Variants in ABHD2 observed in about 807,000 individuals in gnomAD.
The protein encoded by ABHD2 is monoacylglycerol lipase ABHD2.
Under a neutral mutation model 48.1 loss-of-function variants are expected in ABHD2, and 20 were observed. The observed-to-expected ratio is 0.42, with a 90% CI of 0.29 to 0.60. ABHD2 has a LOEUF of 0.60. Among genes scored for constraint, ABHD2 ranks in the 20% least tolerant of loss-of-function variants. The pLI, the probability that ABHD2 is intolerant of heterozygous loss-of-function variation, is 0.24. For missense variants in ABHD2, 405 were observed against 550.9 expected (o/e 0.74, Z 2.65); for synonymous variants, 209 against 214.2 (o/e 0.98, Z 0.21).
chr15:89,045,292 G>C, the ABHD2 span, among the ~76,000 whole-genome samples: 9 of 152,004 alleles, frequency 5.9e-5, no homozygotes, highest in African/African-American at 1.9e-4. Context: ...GTACCATGCT[G>C]TTTTGGTTAC....
At chr15:89,084,618 TAA>T (rs1901326073), upstream of ABHD2, among the ~76,000 whole-genome samples, 1 of 152,164 alleles carries the variant, frequency 6.6e-6, no homozygotes, top group African/African-American at 2.4e-5. This position sits in a 1 kb window ranked among gnomAD's most constrained non-coding sequence, Gnocchi z 4.4. Flanking sequence ...CTTTAAAAAA[TAA>T]AGTCTATCTA....
At chr15:89,117,628 A>T (rs191529485) in intron 3 of ABHD2, among the ~76,000 whole-genome samples, 7 of 152,226 alleles carry the variant, frequency 4.6e-5, no homozygotes, top group African/African-American at 1.7e-4. Flanking sequence ...ACTCAGAGAG[A>T]TGTCTTCCTC....
rs141665941 is a variant in ABHD2 at position 89,155,836 on chromosome 15, G to A, written c.538+302G>A. On this transcript the variant is annotated intron_variant, in intron 5 of 10. Transcript: ENST00000352732. This position sits in a 1 kb window ranked among gnomAD's most constrained non-coding sequence, Gnocchi z 4.9. Reference sequence around the variant, plus strand: ...AGCAGGGCTGGGAGCCAGGTAGATCGGGTAGCAGAGCTCATGACCTTCAGG... The same window carrying A: ...AGCAGGGCTGGGAGCCAGGTAGATCAGGTAGCAGAGCTCATGACCTTCAGG... 6.6e-6 allele frequency among the ~76,000 whole-genome samples: 1 copy of A among 152,228 alleles called. No individual in the cohort carries two copies. Among genetic ancestry groups the A allele is most frequent in the African/African-American group, 2.4e-5 (1 of 41,552 alleles).
chr15:89,165,440 A>G (rs992405656), intron 5 of ABHD2, among the ~76,000 whole-genome samples: 4 of 152,198 alleles, frequency 2.6e-5, no homozygotes, highest in African/African-American at 9.6e-5. Context: ...ACAAGAGTAA[A>G]GTTTACCAAA....
At chr15:89,049,912 C>A in the ABHD2 span, among the ~76,000 whole-genome samples, 2,714 of 152,124 alleles carry the variant, frequency 0.018, 74 homozygotes, top group African/African-American at 0.06. Flanking sequence ...CTTGGCTCCT[C>A]CCCCGTATTT....
rs149586205 is a variant in ABHD2 at position 89,195,306 on chromosome 15, C to T, written c.1161C>T (p.Pro387=). The change falls in exon 11 of 11, where the codon CCC becomes CCT. Residue 387 remains proline, a synonymous_variant. Coordinates refer to ENST00000352732, the MANE Select transcript of ABHD2 (RefSeq NM_152924.5). The surrounding 1 kb of genome is among the most constrained non-coding windows in gnomAD (Gnocchi z 5.1). ...TCTTTGAGGGCTCTGTGCTGTTCCCCGAGCCCCTGACATGGATGGATAAGC... is the reference window on the plus strand; with the variant it reads ...TCTTTGAGGGCTCTGTGCTGTTCCCTGAGCCCCTGACATGGATGGATAAGC... The part of the protein sequence containing the change: ...LGFFEGSVLF[P]EPLTWMDKLV... 319 of 1,614,234 alleles carry T rather than the reference C, an allele frequency of 2.0e-4. 1 individual carries two copies. Among genetic ancestry groups the T allele is most frequent in the Non-Finnish European group, 2.5e-4 (295 of 1,180,034 alleles).
At chr15:89,159,906 GT>G (rs1289696095) in intron 5 of ABHD2, among the ~76,000 whole-genome samples, 2 of 152,020 alleles carry the variant, frequency 1.3e-5, no homozygotes, top group Admixed American at 6.5e-5. Flanking sequence ...CATACTATTT[GT>G]TTTTTTGTGT....
intron 9 of ABHD2, 21 bp from the exon 10 acceptor site, chr15:89,193,214 T>C: frequency 6.2e-7 from 1 of 1,612,520 alleles, no homozygotes; most frequent in East Asian, 2.2e-5. Flanking sequence ...AGTTTAATTC[T>C]GCTTTATGTT....
intron 3 of ABHD2, among the ~76,000 whole-genome samples, chr15:89,149,223 ACACAC>A (rs2050550127): frequency 6.6e-6 from 1 of 151,722 alleles, no homozygotes; most frequent in South Asian, 2.1e-4. Flanking sequence ...TAACACACAC[ACACAC>A]ACACACACAC....
rs1320765267 is a variant in ABHD2, at chr15:89,177,213, C to T, written c.722+1218C>T. ...TGATGATGATAAGCAGTACCTACCT[C>T]ATAGCACCGCTGAGAGTCAAATGAG... is the stretch of plus-strand genomic sequence containing the variant. On this transcript the variant is annotated intron_variant, in intron 6 of 10. Transcript: ENST00000352732. The surrounding 1 kb of genome is among the most constrained non-coding windows in gnomAD (Gnocchi z 5.6). Among the ~76,000 whole-genome samples, 1 of 152,232 alleles carries T rather than the reference C, an allele frequency of 6.6e-6. No individual in the cohort carries two copies. The highest frequency in any genetic ancestry group is 1.5e-5 in the Non-Finnish European group (1 of 68,038).
chr15:89,116,469 G>C lies in ABHD2; in HGVS notation c.142G>C (p.Asp48His). Residue 48 changes from aspartate to histidine, a missense_variant, in exon 3 of 11, where the codon GAC becomes CAC. By Grantham distance (81) the Asp-to-His change is moderately conservative. Transcript: ENST00000352732. The surrounding 1 kb of genome is among the most constrained non-coding windows in gnomAD (Gnocchi z 4.6). ...PTAPPDLYFQ[D>H]SGLSRFLLKS... Reference sequence around the variant, plus strand: ...AGCCCCACCTGACCTCTACTTCCAGGACTCGGGGCTCTCACGCTTTCTGCT... The same window carrying C: ...AGCCCCACCTGACCTCTACTTCCAGCACTCGGGGCTCTCACGCTTTCTGCT... The C allele has an allele frequency of 6.2e-7, 1 of 1,614,198 alleles. No individual in the cohort carries two copies. The highest frequency in any genetic ancestry group is 1.1e-5 in the South Asian group (1 of 91,086).
chr15:89,146,858 C>T lies in ABHD2; in HGVS notation c.195-4819C>T, dbSNP rs919821315. Among the ~76,000 whole-genome samples the T allele has an allele frequency of 6.6e-6, 1 of 152,088 alleles. No individual in the cohort carries two copies. The highest frequency in any genetic ancestry group is 2.4e-5 in the African/African-American group (1 of 41,414). Reference sequence around the variant, plus strand: ...GTATTGTAAAGGTGTCAATTATCTCCTAGGTAATATATATTTGTCGTGTTT... The same window carrying T: ...GTATTGTAAAGGTGTCAATTATCTCTTAGGTAATATATATTTGTCGTGTTT... On this transcript the variant is annotated intron_variant, in intron 3 of 10. Coordinates refer to ENST00000352732, the MANE Select transcript of ABHD2 (RefSeq NM_152924.5). The surrounding 1 kb of genome is among the most constrained non-coding windows in gnomAD (Gnocchi z 4.2).
chr15:89,078,534 A>G, the ABHD2 span, among the ~76,000 whole-genome samples: 45 of 152,274 alleles, frequency 3.0e-4, 2 homozygotes, highest in South Asian at 9.1e-3. Context: ...GTTATTGTCC[A>G]TGTTTTTCTC....
In ABHD2 at chr15:89,201,724, C is replaced by T; in HGVS notation, c.*6301C>T. 6.2e-7 allele frequency: 1 copy of T among 1,602,988 alleles called. No individual in the cohort carries two copies. On this transcript the variant is annotated 3_prime_UTR_variant, in exon 11 of 11. Transcript: ENST00000352732. ...GTAGTGACTACATCTGTGAAGGGGCCTTTGAATTTGAGGTCTATGGGCGGG... is the reference window on the plus strand; with the variant it reads ...GTAGTGACTACATCTGTGAAGGGGCTTTTGAATTTGAGGTCTATGGGCGGG...
At chr15:89,051,813 A>G in the ABHD2 span, among the ~76,000 whole-genome samples, 1 of 152,148 alleles carries the variant, frequency 6.6e-6, no homozygotes, top group Admixed American at 6.5e-5. Context: ...TCTTTCCTTT[A>G]TAAATTACCC....
rs2050866389 is a variant in ABHD2 at position 89,168,218 on chromosome 15, T to C, written c.539-7594T>C. Among the ~76,000 whole-genome samples, 2 of 152,194 alleles carry C rather than the reference T, an allele frequency of 1.3e-5. No individual in the cohort carries two copies. Among genetic ancestry groups the C allele is most frequent in the Admixed American group, 6.5e-5 (1 of 15,278 alleles). On this transcript the variant is annotated intron_variant, in intron 5 of 10. Transcript: ENST00000352732. The surrounding 1 kb of genome is among the most constrained non-coding windows in gnomAD (Gnocchi z 4.8). ...GAAAAAGGTGAGGGGTCTTTTCTGTTCCCAGCAAGTTGCCTTTCCAAAATG... is the reference window on the plus strand; with the variant it reads ...GAAAAAGGTGAGGGGTCTTTTCTGTCCCCAGCAAGTTGCCTTTCCAAAATG...
In ABHD2 at chr15:89,185,326, C is replaced by T; in HGVS notation, c.723-98C>T. The stretch of plus-strand genomic sequence containing the variant: ...AGGCCACAGCCTGAGAGCCGGCCCT[C>T]TCCACACAAGCACCTCACCCCATGG... On this transcript the variant is annotated intron_variant, in intron 6 of 10. Transcript: ENST00000352732. This position sits in a 1 kb window ranked among gnomAD's most constrained non-coding sequence, Gnocchi z 5.9. 2 of 873,340 alleles carry T rather than the reference C, an allele frequency of 2.3e-6. No homozygotes were observed. Among genetic ancestry groups the T allele is most frequent in the Non-Finnish European group, 1.9e-6 (1 of 540,264 alleles). The allele number at this position is 873,340 out of a possible 1,614,324, so 54.1% of individuals were successfully genotyped here.
At chr15:89,050,317 G>C in the ABHD2 span, among the ~76,000 whole-genome samples, 1 of 152,200 alleles carries the variant, frequency 6.6e-6, no homozygotes, top group Non-Finnish European at 1.5e-5. Flanking sequence ...CTATGGAGCA[G>C]GGATGGCGGA....
chr15:89,078,416 A>C, the ABHD2 span, among the ~76,000 whole-genome samples: 19 of 152,216 alleles, frequency 1.2e-4, no homozygotes, highest in African/African-American at 4.6e-4. Context: ...AAGCTTGGAA[A>C]CTGAGTCACA....
Sources: gnomAD v4.1 joint callset for allele counts (sites outside exome capture counted in the v4.1 genomes callset) on GRCh38, gnomAD v4.1.1 for gene constraint, Gnocchi (gnomAD v3.1) non-coding constraint, MANE v1.5 for transcripts, NCBI Gene and HGNC (gene_info 2026-07-23, HGNC 2026-07-21) for gene names.